Variants in PRH1 observed in about 807,000 individuals in gnomAD.
The protein encoded by PRH1 is proline rich protein HaeIII subfamily 1, also known as salivary acidic proline-rich phosphoprotein 1/2.
A neutral mutation model predicts 7.9 loss-of-function variants in PRH1; 7 were observed. The ratio of observed to expected loss-of-function variants is 0.89; its 90% CI spans 0.50 to 1.67. The LOEUF (loss-of-function observed/expected upper bound fraction) is 1.67, where lower values mean the gene tolerates loss of function less well. Ranked by LOEUF, PRH1 falls within the 40% of genes most tolerant of loss-of-function variation. The probability of loss-of-function intolerance (pLI) is 0.00; values close to 1 mark genes in which losing one functional copy is unlikely to be tolerated. For synonymous variants in PRH1, 45 were observed against 80.8 expected, an observed-to-expected ratio of 0.56 and a Z score of 2.38; for missense variants, 109 against 223.6, an observed-to-expected ratio of 0.49 and a Z score of 3.27.
At chr12:10,943,562 G>A (rs1230414300) in intron 2 of PRH1, among the ~76,000 whole-genome samples, 1 of 152,008 alleles carries the variant, frequency 6.6e-6, no homozygotes, top group Admixed American at 6.6e-5. Context: ...TTGTGCAGGG[G>A]CTCTTAAGTT....
Position 10,972,338 on chromosome 12 carries a change from A to T in PRH1, c.-59+1317T>A, listed in dbSNP as rs145854495. Among the ~76,000 whole-genome samples, 1,244 of 152,290 alleles carry T rather than the reference A, an allele frequency of 8.2e-3. 6 individuals carry two copies. Among genetic ancestry groups the T allele is most frequent in the Non-Finnish European group, 0.014 (928 of 68,022 alleles). ...TGTACCTGAATTCTGAATGTGCACT[A>T]ATATTTTTGATGCTTTTAAATTCAG... On this transcript the variant is annotated intron_variant, in intron 2 of 3. Coordinates refer to the PRH1 transcript ENST00000539853.
chr12:11,023,024 G>A (rs1284603936), intron 1 of PRH1, among the ~76,000 whole-genome samples: 1 of 152,118 alleles, frequency 6.6e-6, no homozygotes, highest in African/African-American at 2.4e-5. Flanking sequence ...TATAGTAAAT[G>A]TCTAAATTGT....
intron 2 of PRH1, among the ~76,000 whole-genome samples, chr12:10,970,987 T>C (rs1329858603): frequency 1.3e-5 from 2 of 152,240 alleles, no homozygotes; most frequent in Admixed American, 1.3e-4. Context: ...TTTATATTCA[T>C]TATTTTACTT....
chr12:10,998,933 T>C (rs907848722), intron 1 of PRH1, among the ~76,000 whole-genome samples: 2 of 152,114 alleles, frequency 1.3e-5, no homozygotes, highest in African/African-American at 4.8e-5. Flanking sequence ...CGGTTTATAA[T>C]GAGAACATGT....
chr12:11,021,624 G>A (rs74363809), intron 1 of PRH1: 12 of 1,364,886 alleles, frequency 8.8e-6, no homozygotes, highest in South Asian at 3.2e-5. Context: ...GAAGACCCAC[G>A]ATGCTCCCCT....
At chr12:10,998,613 T>G (rs996699353) in intron 1 of PRH1, among the ~76,000 whole-genome samples, 1 of 152,086 alleles carries the variant, frequency 6.6e-6, no homozygotes, top group Non-Finnish European at 1.5e-5. Context: ...GGAAAATGAG[T>G]TTCCAGGAGC....
rs111635104 is a variant in PRH1 at position 10,908,188 on chromosome 12, A to T, written c.-58-23913T>A. 2.0e-3 allele frequency: 940 copies of T among 476,064 alleles called. 8 individuals carry two copies. Among genetic ancestry groups the T allele is most frequent in the African/African-American group, 0.017 (838 of 50,262 alleles). 29.5% of individuals were successfully genotyped at this position (476,064 alleles called of 1,614,324 possible). ...ATAAGTTTCAAATTCCTAATAATGT[A>T]GAAATACATGTCATAAATACATAAT... On this transcript the variant is annotated intron_variant, in intron 2 of 3. Coordinates refer to the PRH1 transcript ENST00000539853.
At position 11,077,002 on chromosome 12, in the gene PRH1, T is replaced by A. The variant is rs1435747843; in HGVS notation, n.124-29814A>T. On this transcript the variant is annotated intron_variant and non_coding_transcript_variant, in intron 1 of 4. Coordinates refer to the PRH1 transcript ENST00000541977. ...ATGGAAAACAGCAATAATTTCCTGA[T>A]AAAAGCTGTAAGATCCTAATTTTAA... 2 of 115,604 alleles carry A rather than the reference T, an allele frequency of 1.7e-5. 1 individual carries two copies. The highest frequency in any genetic ancestry group is 4.2e-4 in the East Asian group (2 of 4,756). The allele number at this position is 115,604 out of a possible 1,614,324, so 7.2% of individuals were successfully genotyped here.
chr12:11,153,196 A>G (rs1455272702), intron 1 of PRH1, among the ~76,000 whole-genome samples: 2 of 152,320 alleles, frequency 1.3e-5, no homozygotes, highest in Admixed American at 6.5e-5. Flanking sequence ...TTGCTGACTT[A>G]TAAGTGTGCT....
chr12:10,938,763 T>A (rs1051248247), intron 2 of PRH1: 3 of 1,613,866 alleles, frequency 1.9e-6, no homozygotes, highest in Admixed American at 3.3e-5. Flanking sequence ...ATATGGATGT[T>A]TATCAGTGCA....
intron 1 of PRH1, among the ~76,000 whole-genome samples, chr12:11,168,436 GAAA>G (rs1202414081): frequency 6.9e-6 from 1 of 144,828 alleles, no homozygotes; most frequent in Non-Finnish European, 1.5e-5. Context: ...GAAAAGAAAA[GAAA>G]AAAGAAAGAA....
intron 1 of PRH1, among the ~76,000 whole-genome samples, chr12:11,069,574 T>C (rs1470050939): frequency 9.9e-5 from 15 of 152,198 alleles, no homozygotes; most frequent in South Asian, 2.1e-4. Context: ...ATGTGGCTAA[T>C]AGAGCATGCA....
chr12:10,950,969 C>T (rs750712619), intron 2 of PRH1, among the ~76,000 whole-genome samples: 17 of 152,094 alleles, frequency 1.1e-4, no homozygotes, highest in South Asian at 2.1e-4. Context: ...AAACTCTCTG[C>T]GATCCTGATT....
intron 2 of PRH1, among the ~76,000 whole-genome samples, chr12:10,964,185 G>C (rs1315716791): frequency 6.6e-6 from 1 of 152,054 alleles, no homozygotes; most frequent in African/African-American, 2.4e-5. Context: ...CTATAATTTG[G>C]CAGTTTGTAA....
At chr12:10,999,160 T>C (rs940139807) in intron 1 of PRH1, among the ~76,000 whole-genome samples, 6 of 152,110 alleles carry the variant, frequency 3.9e-5, no homozygotes, top group Admixed American at 1.3e-4. Flanking sequence ...TTTGGAGAAG[T>C]TTCTTTTGCA....
chr12:10,948,882 T>C (rs1314250744), intron 2 of PRH1, among the ~76,000 whole-genome samples: 2 of 152,154 alleles, frequency 1.3e-5, no homozygotes, highest in African/African-American at 4.8e-5. Flanking sequence ...GTTATGTTAG[T>C]GAGGCATTTT....
intron 1 of PRH1, among the ~76,000 whole-genome samples, chr12:11,132,628 T>C (rs1443225316): frequency 6.6e-6 from 1 of 152,284 alleles, no homozygotes; most frequent in East Asian, 1.9e-4. Flanking sequence ...GCTATTCACA[T>C]ACTTGTATTA....
chr12:11,133,704 T>C (rs1366665513), intron 1 of PRH1: 8 of 1,614,238 alleles, frequency 5.0e-6, no homozygotes, highest in Non-Finnish European at 6.8e-6. Context: ...TTTGCTAGCA[T>C]GGTTAGAGTC....
chr12:11,006,130 C>T (rs906823438), intron 1 of PRH1: 2 of 151,904 alleles, frequency 1.3e-5, no homozygotes, highest in African/African-American at 2.4e-5. Context: ...CTTCATATAC[C>T]GACGATTCTG....
Sources: gnomAD v4.1 joint callset for allele counts (sites outside exome capture counted in the v4.1 genomes callset) on GRCh38, gnomAD v4.1.1 for gene constraint, MANE v1.5 for transcripts, NCBI Gene and HGNC (gene_info 2026-07-23, HGNC 2026-07-21) for gene names.